The following AUTS2 variants were observed in gnomAD, a reference collection of about 807,000 sequenced individuals.
AUTS2 encodes autism susceptibility gene 2 protein.
A neutral mutation model predicts 112.4 loss-of-function variants in AUTS2; 17 were observed. The observed-to-expected ratio is 0.15, with a 90% CI of 0.10 to 0.23. The LOEUF (loss-of-function observed/expected upper bound fraction) is 0.23. AUTS2 is among the 10% of genes least tolerant of loss of function. AUTS2 has a pLI of 1.00. For missense variants in AUTS2, 1,510 were observed against 1,701.6 expected, an observed-to-expected ratio of 0.89 and a Z score of 1.98; for synonymous variants, 751 against 702.7, an observed-to-expected ratio of 1.07 and a Z score of -1.09.
intron 2 of AUTS2, among the ~76,000 whole-genome samples, chr7:70,029,674 A>G (rs1240452360): frequency 3.3e-5 from 5 of 152,200 alleles, no homozygotes; most frequent in Non-Finnish European, 7.3e-5. Context: ...ACTCAAGTAT[A>G]GTAAGTATAT....
intron 1 of AUTS2, among the ~76,000 whole-genome samples, chr7:69,724,729 A>G (rs999717693): frequency 6.6e-6 from 1 of 152,188 alleles, no homozygotes; most frequent in Admixed American, 6.5e-5. Flanking sequence ...GAAAATTTCA[A>G]ATTATGGTCT....
chr7:69,787,073 T>C (rs1789409813), intron 1 of AUTS2, among the ~76,000 whole-genome samples: 1 of 152,216 alleles, frequency 6.6e-6, no homozygotes, highest in Non-Finnish European at 1.5e-5. Context: ...ACTCAGCTCT[T>C]TCTGGCTTTC....
At chr7:70,445,890 A>AG (rs1381468819) in intron 5 of AUTS2, among the ~76,000 whole-genome samples, 3 of 152,238 alleles carry the variant, frequency 2.0e-5, no homozygotes, top group African/African-American at 7.2e-5. Flanking sequence ...AGTCTCATAA[A>AG]GGAGAAGGGC....
chr7:69,991,737 G>A (rs566289417), intron 2 of AUTS2, among the ~76,000 whole-genome samples: 9 of 152,224 alleles, frequency 5.9e-5, no homozygotes, highest in South Asian at 2.1e-4. Context: ...GCTAAGAAAG[G>A]CCTTGAAACC....
At chr7:70,394,890 C>A (rs1348027529) in intron 4 of AUTS2, among the ~76,000 whole-genome samples, 1 of 151,494 alleles carries the variant, frequency 6.6e-6, no homozygotes, top group African/African-American at 2.4e-5. Context: ...CCAACCTGGA[C>A]AATATAACAA....
chr7:69,619,650 G>C (rs1487883576), intron 1 of AUTS2, among the ~76,000 whole-genome samples: 1 of 152,150 alleles, frequency 6.6e-6, no homozygotes, highest in African/African-American at 2.4e-5. Flanking sequence ...TCCTCTGTGG[G>C]CCTTGGCTCC....
intron 1 of AUTS2, among the ~76,000 whole-genome samples, chr7:69,732,830 A>G (rs982771544): frequency 3.3e-5 from 5 of 152,210 alleles, no homozygotes; most frequent in Admixed American, 2.6e-4. Flanking sequence ...TGATGTCTCA[A>G]TTTAAATTTC....
At chr7:69,716,690 A>G (rs573163302) in intron 1 of AUTS2, among the ~76,000 whole-genome samples, 1 of 152,086 alleles carries the variant, frequency 6.6e-6, no homozygotes, top group South Asian at 2.1e-4. Context: ...GTCCCACACA[A>G]CTGCCCCCGA....
chr7:70,398,957 A>C (rs1231298881), intron 4 of AUTS2, among the ~76,000 whole-genome samples: 1 of 148,516 alleles, frequency 6.7e-6, no homozygotes, highest in South Asian at 2.2e-4. Context: ...TTCTGCAACT[A>C]TGAAGAAAAT....
intron 4 of AUTS2, among the ~76,000 whole-genome samples, chr7:70,419,498 G>A (rs971109110): frequency 7.2e-5 from 11 of 152,154 alleles, no homozygotes; most frequent in Non-Finnish European, 1.3e-4. Flanking sequence ...GTCTATCTTA[G>A]CAGATTTCGT....
chr7:69,798,444 G>A (rs1047542607), intron 1 of AUTS2, among the ~76,000 whole-genome samples: 2 of 152,058 alleles, frequency 1.3e-5, no homozygotes, highest in Non-Finnish European at 2.9e-5. Flanking sequence ...TTTCCCCTGG[G>A]ATGCTGGAGT....
At chr7:70,487,288 G>A (rs1464948681) in intron 5 of AUTS2, among the ~76,000 whole-genome samples, 2 of 152,050 alleles carry the variant, frequency 1.3e-5, no homozygotes, top group Non-Finnish European at 2.9e-5. Flanking sequence ...GTTGCATAAA[G>A]GGAAAATATG....
intron 5 of AUTS2, among the ~76,000 whole-genome samples, chr7:70,476,594 T>C (rs1797593037): frequency 6.6e-6 from 1 of 152,206 alleles, no homozygotes; most frequent in Non-Finnish European, 1.5e-5. Flanking sequence ...TAATAAGTCA[T>C]GTACTGAGTG....
At chr7:69,699,070 A>C (rs1797684757) in intron 1 of AUTS2, among the ~76,000 whole-genome samples, 1 of 152,216 alleles carries the variant, frequency 6.6e-6, no homozygotes, top group African/African-American at 2.4e-5. Flanking sequence ...CATAGGAAGC[A>C]ATAGAAAAAG....
chr7:69,672,831 G>A (rs1796398587), intron 1 of AUTS2, among the ~76,000 whole-genome samples: 1 of 152,198 alleles, frequency 6.6e-6, no homozygotes, highest in Non-Finnish European at 1.5e-5. Context: ...CTGGTTCAAG[G>A]ATTAGACACA....
At chr7:70,781,510 T>C in intron 14 of AUTS2, 105 bp from the exon 15 acceptor site, 1 of 1,386,248 alleles carries the variant, frequency 7.2e-7, no homozygotes, top group Non-Finnish European at 9.8e-7. Context: ...GTTTGTAAAC[T>C]TGAACCCAAG....
At chr7:70,135,766 A>G (rs1373400884) in intron 4 of AUTS2, among the ~76,000 whole-genome samples, 1 of 152,168 alleles carries the variant, frequency 6.6e-6, no homozygotes, top group African/African-American at 2.4e-5. Context: ...CTGAATATTC[A>G]TGCTAACAGA....
At chr7:69,989,131 C>T (rs1214817317) in intron 2 of AUTS2, among the ~76,000 whole-genome samples, 1 of 152,118 alleles carries the variant, frequency 6.6e-6, no homozygotes, top group East Asian at 1.9e-4. Flanking sequence ...GAATCTGTAC[C>T]ATGTAATTTG....
chr7:70,016,947 C>T (rs913489171), intron 2 of AUTS2, among the ~76,000 whole-genome samples: 4 of 152,132 alleles, frequency 2.6e-5, no homozygotes, highest in African/African-American at 9.7e-5. Context: ...GGATTACAGG[C>T]GTGAGCCACT....
Sources: gnomAD v4.1 joint callset for allele counts (sites outside exome capture counted in the v4.1 genomes callset) on GRCh38, gnomAD v4.1.1 for gene constraint, MANE v1.5 for transcripts, NCBI Gene and HGNC (gene_info 2026-07-23, HGNC 2026-07-21) for gene names.